The following SAMD4A variants were observed in gnomAD, a reference collection of about 807,000 sequenced individuals.
SAMD4A encodes sterile alpha motif domain containing 4A.
Under a neutral mutation model 81.3 loss-of-function variants are expected in SAMD4A, and 33 were observed. The ratio of observed to expected loss-of-function variants is 0.41; its 90% CI spans 0.31 to 0.54. SAMD4A has a LOEUF of 0.54. SAMD4A is among the 20% of genes least tolerant of loss of function. The pLI is 0.37. For missense variants in SAMD4A, 854 were observed against 951.1 expected, an observed-to-expected ratio of 0.90 and a Z score of 1.34; for synonymous variants, 389 against 382.1, an observed-to-expected ratio of 1.02 and a Z score of -0.21.
rs760057616 is a variant in SAMD4A, at chr14:54,760,358, C to T, written c.1374C>T (p.Gly458=). 8.9e-5 allele frequency: 141 copies of T among 1,580,044 alleles called. No homozygotes were observed. The highest frequency in any genetic ancestry group is 1.7e-4 in the Middle Eastern group (1 of 5,958). The change falls in exon 7 of 13, where the codon GGC becomes GGT. Residue 458 remains glycine (G), a synonymous_variant. Transcript: ENST00000554335. ...PDCKDGAAAT[G]ATATPSAGAS... ...GCAAAGATGGGGCCGCAGCCACTGG[C>T]GCCACGGCCACCCCCTCGGCCGGGG...
At chr14:54,573,021 A>G (rs1467889531) in intron 2 of SAMD4A, among the ~76,000 whole-genome samples, 1 of 152,184 alleles carries the variant, frequency 6.6e-6, no homozygotes, top group African/African-American at 2.4e-5. Flanking sequence ...TTTCCCAAAT[A>G]ACTTATCAAC....
At chr14:54,730,231 C>G (rs1053943264) in intron 3 of SAMD4A, among the ~76,000 whole-genome samples, 5 of 152,220 alleles carry the variant, frequency 3.3e-5, no homozygotes, top group African/African-American at 1.2e-4. Context: ...ATGTGCTTTT[C>G]CCTGCATCAG....
chr14:54,714,265 A>G (rs1395895594), intron 3 of SAMD4A, among the ~76,000 whole-genome samples: 2 of 152,210 alleles, frequency 1.3e-5, no homozygotes, highest in African/African-American at 4.8e-5. Context: ...ACATCAGAGC[A>G]TAGACTCTCT....
At chr14:54,750,899 G>A (rs1210205836) in intron 5 of SAMD4A, among the ~76,000 whole-genome samples, 1 of 152,190 alleles carries the variant, frequency 6.6e-6, no homozygotes, top group African/African-American at 2.4e-5. Context: ...CTAAGATACA[G>A]GAAGATACGA....
intron 3 of SAMD4A, among the ~76,000 whole-genome samples, chr14:54,727,790 GTA>G (rs995523850): frequency 9.2e-5 from 14 of 152,240 alleles, no homozygotes; most frequent in African/African-American, 3.1e-4. Context: ...AGGGTCAATG[GTA>G]TATAGACATG....
intron 2 of SAMD4A, among the ~76,000 whole-genome samples, chr14:54,589,115 GTTTTACA>G (rs2033705678): frequency 6.6e-6 from 1 of 152,158 alleles, no homozygotes; most frequent in South Asian, 2.1e-4. Context: ...ATCTTAGAAA[GTTTTACA>G]TTTGGATTTT....
intron 2 of SAMD4A, among the ~76,000 whole-genome samples, chr14:54,611,626 C>G (rs2034357677): frequency 6.6e-6 from 1 of 152,108 alleles, no homozygotes; most frequent in African/African-American, 2.4e-5. Flanking sequence ...CCTGTAATCC[C>G]AGCACTTTGG....
At chr14:54,724,023 AGGAAGGAAGGAAGGAAG>A (rs1051602507) in intron 3 of SAMD4A, among the ~76,000 whole-genome samples, 2 of 98,980 alleles carry the variant, frequency 2.0e-5, no homozygotes, top group South Asian at 4.0e-4. Flanking sequence ...GAAGGAAGGA[AGGAAGGAAGGAAGGAAG>A]GAAGGAAGGA....
chr14:54,577,621 A>G (rs1295626390), intron 2 of SAMD4A, among the ~76,000 whole-genome samples: 1 of 152,188 alleles, frequency 6.6e-6, no homozygotes, highest in African/African-American at 2.4e-5. Flanking sequence ...TAATGTCACA[A>G]TGTGGTTGCG....
intron 2 of SAMD4A, chr14:54,694,770 C>G: frequency 1.0e-6 from 1 of 985,386 alleles, no homozygotes; most frequent in South Asian, 4.7e-5. Flanking sequence ...AACTTGAGTC[C>G]TTGGCTGAGA....
At chr14:54,624,405 T>G (rs1454798154) in intron 2 of SAMD4A, among the ~76,000 whole-genome samples, 1 of 152,246 alleles carries the variant, frequency 6.6e-6, no homozygotes, top group African/African-American at 2.4e-5. Context: ...CGGAACCACC[T>G]CCATTGACCC....
intron 2 of SAMD4A, among the ~76,000 whole-genome samples, chr14:54,645,463 C>A (rs1359795062): frequency 6.6e-6 from 1 of 152,192 alleles, no homozygotes; most frequent in Non-Finnish European, 1.5e-5. Context: ...CTGCTCGTTT[C>A]TCTAAATTAT....
chr14:54,580,471 T>C (rs1187586), intron 2 of SAMD4A, among the ~76,000 whole-genome samples: 79,334 of 152,026 alleles, frequency 0.52, 21,858 homozygotes, highest in African/African-American at 0.71. Flanking sequence ...CAGCAATGTC[T>C]TCTTGGTTTA....
chr14:54,760,110 A>G (rs754473412), intron 6 of SAMD4A, 51 bp from the exon 7 acceptor site: 4 of 1,572,828 alleles, frequency 2.5e-6, no homozygotes, highest in Middle Eastern at 1.7e-4. Flanking sequence ...ACGGGGGTGG[A>G]TGACCCTTAT....
intron 2 of SAMD4A, among the ~76,000 whole-genome samples, chr14:54,624,462 T>C (rs773626006): frequency 3.3e-5 from 5 of 152,208 alleles, no homozygotes; most frequent in Non-Finnish European, 7.3e-5. Flanking sequence ...ACAGTGCAGA[T>C]CTAAGAACTT....
intron 3 of SAMD4A, among the ~76,000 whole-genome samples, chr14:54,727,449 A>G (rs1053609022): frequency 6.6e-6 from 1 of 151,906 alleles, no homozygotes; most frequent in Non-Finnish European, 1.5e-5. Flanking sequence ...TCGGCCTCCC[A>G]AAGTGCTGGG....
At chr14:54,666,576 A>G (rs554290353) in intron 2 of SAMD4A, among the ~76,000 whole-genome samples, 1 of 152,274 alleles carries the variant, frequency 6.6e-6, no homozygotes, top group African/African-American at 2.4e-5. Flanking sequence ...TCAAGAGTCA[A>G]CTGTAATTGT....
intron 3 of SAMD4A, among the ~76,000 whole-genome samples, chr14:54,725,147 T>C (rs1260868158): frequency 2.0e-5 from 3 of 152,202 alleles, no homozygotes; most frequent in Non-Finnish European, 4.4e-5. Context: ...CCCAGACACG[T>C]AATAGGTTCT....
chr14:54,698,416 C>T (rs1245209077), intron 2 of SAMD4A, among the ~76,000 whole-genome samples: 1 of 152,188 alleles, frequency 6.6e-6, no homozygotes, highest in Non-Finnish European at 1.5e-5. Flanking sequence ...TCAAATTTGC[C>T]TACCTCCATT....
Sources: allele counts gnomAD v4.1 joint callset (sites outside exome capture counted in the v4.1 genomes callset), GRCh38; gene constraint gnomAD v4.1.1; transcripts MANE v1.5; gene names NCBI Gene and HGNC (gene_info 2026-07-23, HGNC 2026-07-21).